PSMA4: variants seen among roughly 807,000 people sequenced by gnomAD.
PSMA4 encodes proteasome subunit alpha type-4.
In PSMA4, 8 loss-of-function variants were observed where a neutral mutation model predicts 37.2. That is an observed-to-expected ratio of 0.22 (90% CI 0.13 to 0.39). The LOEUF (loss-of-function observed/expected upper bound fraction) is 0.39. Ranked by LOEUF, PSMA4 falls within the 10% of genes least tolerant of loss-of-function variation. The pLI is 1.00. For synonymous variants in PSMA4, 93 were observed against 98.8 expected (o/e 0.94, Z 0.35); for missense variants, 169 against 305.1 (o/e 0.55, Z 3.32).
Position 78,549,181 on chromosome 15 carries a change from G to A in PSMA4, c.*237G>A, listed in dbSNP as rs1567040452. On this transcript the variant is annotated 3_prime_UTR_variant, in exon 9 of 9. Coordinates refer to ENST00000044462, the MANE Select transcript of PSMA4 (RefSeq NM_002789.6). Reference sequence around the variant, plus strand: ...ATCCCCTTTTTTTGGAATAAAATTTGGAAAATGGAAATGAAGGAATAAATT... The same window carrying A: ...ATCCCCTTTTTTTGGAATAAAATTTAGAAAATGGAAATGAAGGAATAAATT... The A allele has an allele frequency of 2.2e-6, 1 of 450,066 alleles. No individual in the cohort carries two copies. Among genetic ancestry groups the A allele is most frequent in the South Asian group, 9.7e-5 (1 of 10,260 alleles). The allele number at this position is 450,066 out of a possible 1,614,324, so 27.9% of individuals were successfully genotyped here.
chr15:78,542,072 T>C (rs755851653), intron 2 of PSMA4, 105 bp from the exon 3 acceptor site: 2 of 1,455,350 alleles, frequency 1.4e-6, no homozygotes, highest in Non-Finnish European at 9.5e-7. Context: ...CTCTCACCTA[T>C]TGAACTTTGT....
chr15:78,544,843 C>G, intron 5 of PSMA4, 26 bp from the exon 6 acceptor site: 1 of 1,479,158 alleles, frequency 6.8e-7, no homozygotes, highest in Non-Finnish European at 9.4e-7. Context: ...GAGAAAACTA[C>G]TAATGTGCCC....
intron 8 of PSMA4, among the ~76,000 whole-genome samples, chr15:78,547,413 T>A (rs2052572724): frequency 6.6e-6 from 1 of 152,262 alleles, no homozygotes; most frequent in Non-Finnish European, 1.5e-5. Flanking sequence ...TGGTATACTT[T>A]ACCAGAGATA....
chr15:78,544,988 A>G, intron 6 of PSMA4, 31 bp downstream of exon 6: 1 of 1,497,028 alleles, frequency 6.7e-7, no homozygotes, highest in East Asian at 2.3e-5. Flanking sequence ...TTTTATTCGA[A>G]AAAGTTAAGA....
At position 78,545,626 on chromosome 15, in the gene PSMA4, T is replaced by C. The variant is rs1026479929; in HGVS notation, c.377-8T>C. The C allele has an allele frequency of 7.4e-6, 12 of 1,613,566 alleles. No individual in the cohort carries two copies. The highest frequency in any genetic ancestry group is 1.7e-5 in the Admixed American group (1 of 59,960). On this transcript the variant is annotated splice_region_variant and splice_polypyrimidine_tract_variant and intron_variant, in intron 6 of 8. Coordinates refer to ENST00000044462, the MANE Select transcript of PSMA4 (RefSeq NM_002789.6). ...ATTGATATGTTTGGCTTTTTTTCTT[T>C]GTTAAAGGAAAACGTCCCTTTGGTG... is the stretch of plus-strand genomic sequence containing the variant.
chr15:78,548,659 T>C (rs2052598383), intron 8 of PSMA4, 131 bp from the exon 9 acceptor site: 1 of 1,203,150 alleles, frequency 8.3e-7, no homozygotes, highest in Non-Finnish European at 1.1e-6. Context: ...ATGTTAAGTA[T>C]AAAACATAGG....
At chr15:78,547,256 A>T (rs2052569837) in intron 8 of PSMA4, among the ~76,000 whole-genome samples, 1 of 152,244 alleles carries the variant, frequency 6.6e-6, no homozygotes, top group Non-Finnish European at 1.5e-5. Context: ...AAGGCTTGAT[A>T]CTGAACAATC....
rs905086107 is a variant in PSMA4 at position 78,550,817 on chromosome 15, T to G, written c.*1873T>G. On this transcript the variant is annotated 3_prime_UTR_variant, in exon 9 of 9. Coordinates refer to ENST00000044462, the MANE Select transcript of PSMA4 (RefSeq NM_002789.6). ...ACATGTGCACCTGGGTACTCAAAAT[T>G]TTCACCACTCTGCATGTCAACAAAT... 3 of 152,128 alleles carry G rather than the reference T, an allele frequency of 2.0e-5. No homozygotes were observed. The highest frequency in any genetic ancestry group is 6.6e-5 in the Admixed American group (1 of 15,256). 9.4% of individuals were successfully genotyped at this position (152,128 alleles called of 1,614,324 possible). A position where few individuals can be genotyped will look rare whatever the true frequency, so the allele number is the denominator to read the frequency against.
chr15:78,547,832 G>C (rs2052581012), intron 8 of PSMA4, among the ~76,000 whole-genome samples: 1 of 150,808 alleles, frequency 6.6e-6, no homozygotes, highest in African/African-American at 2.4e-5. Context: ...GAGAGACTCT[G>C]TCTCAAAAAA....
chr15:78,544,054 GT>G (rs1163642013), intron 4 of PSMA4, 135 bp from the exon 5 acceptor site: 1 of 610,210 alleles, frequency 1.6e-6, no homozygotes, highest in Admixed American at 3.1e-5. Flanking sequence ...AAACTTGTAG[GT>G]TTTTTCTGAA....
chr15:78,544,276 A>T lies in PSMA4; in HGVS notation c.287+9A>T, dbSNP rs1336711385. 3 of 1,528,272 alleles carry T rather than the reference A, an allele frequency of 2.0e-6. No homozygotes were observed. The South Asian group carries it at 3.5e-5, about 18-fold the overall frequency. The allele number at this position is 1,528,272 out of a possible 1,614,324, so 94.7% of individuals were successfully genotyped here. ...AGGCTCATTGCTCAAAGGTATGGTC[A>T]TAAATAGCATAACTGATGATACAGA... On this transcript the variant is annotated intron_variant, in intron 5 of 8. Coordinates refer to ENST00000044462, the MANE Select transcript of PSMA4 (RefSeq NM_002789.6).
At position 78,544,184 on chromosome 15, in the gene PSMA4, T is replaced by C; in HGVS notation, c.210-6T>C. On this transcript the variant is annotated splice_region_variant and splice_polypyrimidine_tract_variant and intron_variant, in intron 4 of 8. Coordinates refer to ENST00000044462, the MANE Select transcript of PSMA4 (RefSeq NM_002789.6). Reference sequence around the variant, plus strand: ...GCTTACAGATCAATGTCTTTTTTTCTTCAAGGGACATGGCTTGCAGTGTGG... The same window carrying C: ...GCTTACAGATCAATGTCTTTTTTTCCTCAAGGGACATGGCTTGCAGTGTGG... The C allele has an allele frequency of 6.2e-7, 1 of 1,611,296 alleles. No homozygotes were observed. Among genetic ancestry groups the C allele is most frequent in the African/African-American group, 1.3e-5 (1 of 74,948 alleles).
intron 1 of PSMA4, chr15:78,541,609 A>G (rs2052454644): frequency 5.4e-6 from 2 of 367,234 alleles, no homozygotes; most frequent in Non-Finnish European, 1.0e-5. Context: ...ATTTACTTTC[A>G]TTTTCTGTAT....
chr15:78,543,064 G>C (rs1470157663), intron 4 of PSMA4, among the ~76,000 whole-genome samples: 1 of 152,190 alleles, frequency 6.6e-6, no homozygotes, highest in Non-Finnish European at 1.5e-5. Flanking sequence ...GTTTAGAATA[G>C]CTACGCAGGA....
At position 78,542,635 on chromosome 15, in the gene PSMA4, A is replaced by C. The variant is rs1465447435; in HGVS notation, c.199A>C (p.Lys67Gln). 6.2e-7 allele frequency: 1 copy of C among 1,607,284 alleles called. No individual in the cohort carries two copies. The highest frequency in any genetic ancestry group is 8.5e-7 in the Non-Finnish European group (1 of 1,178,038). ...AGTCTTTTTTTCTGAAAAAATTTAT[A>C]AACTCAATGAGTAAGTGAGATTTTA... ...DEVFFSEKIY[K>Q]LNEDMACSVA... Residue 67 changes from lysine to glutamine, a missense_variant, in exon 4 of 9, where the codon AAA (lysine) becomes CAA (glutamine). By Grantham distance (53) the Lys-to-Gln change is moderately conservative. Coordinates refer to ENST00000044462, the MANE Select transcript of PSMA4 (RefSeq NM_002789.6).
chr15:78,544,497 C>T (rs2052516677), intron 5 of PSMA4: 2 of 479,242 alleles, frequency 4.2e-6, no homozygotes, highest in Non-Finnish European at 7.5e-6. Flanking sequence ...GACGGGGTTT[C>T]ACTGTGTTAG....
chr15:78,552,077 T>C lies in PSMA4; in HGVS notation c.*3133T>C, dbSNP rs1471913771. 6.6e-6 allele frequency: 1 copy of C among 152,196 alleles called. No homozygotes were observed. The highest frequency in any genetic ancestry group is 1.9e-4 in the East Asian group (1 of 5,194). 9.4% of individuals were successfully genotyped at this position (152,196 alleles called of 1,614,324 possible). ...GGGTTTGGCTGCCTAGTCTAGATTCTCACGCTAGCCCCACTTTCGTCTGCT... is the reference window on the plus strand; with the variant it reads ...GGGTTTGGCTGCCTAGTCTAGATTCCCACGCTAGCCCCACTTTCGTCTGCT... On this transcript the variant is annotated 3_prime_UTR_variant, in exon 9 of 9. Transcript: ENST00000044462.
chr15:78,549,117 G>C lies in PSMA4; in HGVS notation c.*173G>C. On this transcript the variant is annotated 3_prime_UTR_variant, in exon 9 of 9. Coordinates refer to ENST00000044462, the MANE Select transcript of PSMA4 (RefSeq NM_002789.6). ...CAATTGAATACTTTATTGTAACGAT[G>C]ATGGTTACCCTTCATGGACGTCTTA... 2.0e-6 allele frequency: 2 copies of C among 1,013,504 alleles called. No homozygotes were observed. Among genetic ancestry groups the C allele is most frequent in the Non-Finnish European group, 2.6e-6 (2 of 777,734 alleles). 62.8% of individuals were successfully genotyped at this position (1,013,504 alleles called of 1,614,324 possible).
rs1472094001 is a variant in PSMA4 at position 78,548,778 on chromosome 15, G to C, written c.632-12G>C. 5.6e-6 allele frequency: 9 copies of C among 1,600,926 alleles called. No individual in the cohort carries two copies. The highest frequency in any genetic ancestry group is 7.7e-6 in the Non-Finnish European group (9 of 1,175,616). On this transcript the variant is annotated splice_polypyrimidine_tract_variant and intron_variant, in intron 8 of 8. Coordinates refer to ENST00000044462, the MANE Select transcript of PSMA4 (RefSeq NM_002789.6). ...GCCTGCAATACAAATAAATGTATGT[G>C]TTTGTTTTTAGTGGAAATTGCAACA... is the stretch of plus-strand genomic sequence containing the variant.
Sources: gnomAD v4.1 joint callset for allele counts (sites outside exome capture counted in the v4.1 genomes callset) on GRCh38, gnomAD v4.1.1 for gene constraint, MANE v1.5 for transcripts, NCBI Gene and HGNC (gene_info 2026-07-23, HGNC 2026-07-21) for gene names.